The following BTBD10 variants were observed in gnomAD, a reference collection of about 807,000 sequenced individuals.
The protein encoded by BTBD10 is BTB/POZ domain-containing protein 10.
BTBD10 carries 21 observed loss-of-function variants against 53.2 expected under a neutral mutation model. The ratio of observed to expected loss-of-function variants is 0.39; its 90% CI spans 0.28 to 0.57. The LOEUF is 0.57. Ranked by LOEUF, BTBD10 falls within the 20% of genes least tolerant of loss-of-function variation. The pLI is 0.53. For synonymous variants in BTBD10, 149 were observed against 192.7 expected (o/e 0.77, Z 1.88); for missense variants, 360 against 594.7 (o/e 0.61, Z 4.10).
chr11:13,404,852 G>T (rs1441037507), intron 7 of BTBD10, among the ~76,000 whole-genome samples: 5 of 152,056 alleles, frequency 3.3e-5, no homozygotes, highest in African/African-American at 1.2e-4. Flanking sequence ...GCTTTGTTTT[G>T]ATTTTAGAAA....
chr11:13,430,949 T>C (rs1321281841), intron 2 of BTBD10, among the ~76,000 whole-genome samples: 2 of 145,354 alleles, frequency 1.4e-5, no homozygotes, highest in Non-Finnish European at 1.5e-5. Flanking sequence ...TTATCCTAAT[T>C]ATGGTAAGGT....
intron 1 of BTBD10, among the ~76,000 whole-genome samples, chr11:13,462,424 T>A (rs914621197): frequency 2.6e-5 from 4 of 152,124 alleles, no homozygotes; most frequent in African/African-American, 4.8e-5. Flanking sequence ...CATCATGGAC[T>A]CAGAATACTG....
chr11:13,405,568 C>A, intron 7 of BTBD10, 91 bp downstream of exon 7: 1 of 1,407,642 alleles, frequency 7.1e-7, no homozygotes, highest in Non-Finnish European at 9.9e-7. Context: ...GGATTGACCC[C>A]CAGGCTGGTC....
intron 8 of BTBD10, among the ~76,000 whole-genome samples, chr11:13,398,213 A>T (rs1190908004): frequency 6.6e-6 from 1 of 152,114 alleles, no homozygotes; most frequent in Non-Finnish European, 1.5e-5. Flanking sequence ...TTGCTTTATG[A>T]ATCTGGGTGC....
intron 1 of BTBD10, among the ~76,000 whole-genome samples, chr11:13,450,758 G>A (rs117785148): frequency 0.017 from 2,521 of 152,258 alleles, 41 homozygotes; most frequent in Admixed American, 0.026. Context: ...TCAGACAGAC[G>A]GAAAGAAACT....
intron 1 of BTBD10, among the ~76,000 whole-genome samples, chr11:13,446,917 T>G (rs764800974): frequency 2.0e-5 from 3 of 151,666 alleles, no homozygotes; most frequent in Non-Finnish European, 2.9e-5. Context: ...ATGGGGAGAA[T>G]GAACAAATCG....
chr11:13,455,752 G>A (rs1315896880), intron 1 of BTBD10, among the ~76,000 whole-genome samples: 1 of 152,178 alleles, frequency 6.6e-6, no homozygotes, highest in Non-Finnish European at 1.5e-5. Flanking sequence ...CAACTCCTAA[G>A]AAGCAACACC....
intron 7 of BTBD10, 119 bp downstream of exon 7, chr11:13,405,539 TA>T: frequency 9.2e-7 from 1 of 1,087,984 alleles, no homozygotes; most frequent in Non-Finnish European, 1.3e-6. Context: ...ACTTAATTTA[TA>T]AAAATAGGTG....
intron 1 of BTBD10, among the ~76,000 whole-genome samples, chr11:13,458,543 T>TTTCC: frequency 6.6e-6 from 1 of 152,238 alleles, no homozygotes; most frequent in Non-Finnish European, 1.5e-5. Flanking sequence ...GTCTCAGCTG[T>TTTCC]CTTACTGCCT....
At chr11:13,396,212 CA>C (rs1949547893) in intron 8 of BTBD10, among the ~76,000 whole-genome samples, 1 of 152,144 alleles carries the variant, frequency 6.6e-6, no homozygotes, top group African/African-American at 2.4e-5. Context: ...TCTTTTATTT[CA>C]CTGAGCAGTG....
intron 8 of BTBD10, among the ~76,000 whole-genome samples, chr11:13,389,573 A>C (rs374967049): frequency 1.3e-5 from 2 of 152,070 alleles, no homozygotes; most frequent in Non-Finnish European, 2.9e-5. Flanking sequence ...GATTACAGGC[A>C]TGTGCCACCA....
intron 6 of BTBD10, among the ~76,000 whole-genome samples, chr11:13,410,053 C>T (rs766057006): frequency 1.1e-4 from 16 of 152,022 alleles, no homozygotes; most frequent in Admixed American, 2.6e-4. Flanking sequence ...GTACAGTGTA[C>T]GCTGTCCAGG....
At chr11:13,443,553 A>C (rs1314500928) in intron 2 of BTBD10, among the ~76,000 whole-genome samples, 2 of 152,064 alleles carry the variant, frequency 1.3e-5, no homozygotes, top group Non-Finnish European at 2.9e-5. Flanking sequence ...TATATATAAC[A>C]TAGTAGATAT....
intron 2 of BTBD10, among the ~76,000 whole-genome samples, chr11:13,434,502 C>T (rs4757156): frequency 0.78 from 118,560 of 152,136 alleles, 47,009 homozygotes; most frequent in Middle Eastern, 0.88. Context: ...TGCTGGAGCA[C>T]AGAAAATAAG....
intron 8 of BTBD10, among the ~76,000 whole-genome samples, chr11:13,395,304 C>T (rs909420271): frequency 3.3e-5 from 5 of 152,120 alleles, no homozygotes; most frequent in Non-Finnish European, 4.4e-5. Flanking sequence ...TGATGATGAG[C>T]TTTTTTTCAT....
intron 1 of BTBD10, among the ~76,000 whole-genome samples, chr11:13,454,520 T>C (rs1044418423): frequency 6.6e-6 from 1 of 152,186 alleles, no homozygotes; most frequent in African/African-American, 2.4e-5. Context: ...AGGATATTTT[T>C]ATAACCAATT....
Position 13,421,845 on chromosome 11 carries a change from A to C in BTBD10, c.102-7T>G. ...AGCAATACGCGAGGAAGTACTGATA[A>C]GTTAGAAAGGAAAATTAACCATAAA... On this transcript the variant is annotated splice_region_variant and splice_polypyrimidine_tract_variant and intron_variant, in intron 2 of 8. Transcript: ENST00000278174. 3.1e-6 allele frequency: 5 copies of C among 1,589,782 alleles called. No individual in the cohort carries two copies. Among genetic ancestry groups the C allele is most frequent in the Non-Finnish European group, 4.3e-6 (5 of 1,165,924 alleles).
At chr11:13,390,370 T>TA (rs1469565042) in intron 8 of BTBD10, among the ~76,000 whole-genome samples, 2 of 151,666 alleles carry the variant, frequency 1.3e-5, no homozygotes, top group East Asian at 1.9e-4. Flanking sequence ...TTTTTGGAGA[T>TA]AGAGTCTCTG....
intron 2 of BTBD10, among the ~76,000 whole-genome samples, chr11:13,438,036 AGGTGGTAGTGGTTT>A (rs1950575064): frequency 6.6e-6 from 1 of 152,096 alleles, no homozygotes; most frequent in Non-Finnish European, 1.5e-5. Flanking sequence ...TTTCTGTTAG[AGGTGGTAGTGGTTT>A]CCTCTTCCAC....
Sources: gnomAD v4.1 joint callset for allele counts (sites outside exome capture counted in the v4.1 genomes callset) on GRCh38, gnomAD v4.1.1 for gene constraint, MANE v1.5 for transcripts, NCBI Gene and HGNC (gene_info 2026-07-23, HGNC 2026-07-21) for gene names.